OSBPL8: variants seen among roughly 807,000 people sequenced by gnomAD.
OSBPL8 encodes the protein oxysterol binding protein like 8.
A neutral mutation model predicts 125.5 loss-of-function variants in OSBPL8; 59 were observed. The ratio of observed to expected loss-of-function variants is 0.47; its 90% CI spans 0.38 to 0.58. The LOEUF (loss-of-function observed/expected upper bound fraction) is 0.58. OSBPL8 is among the 20% of genes least tolerant of loss of function. The probability of loss-of-function intolerance (pLI) is 0.00; values close to 1 mark genes in which losing one functional copy is unlikely to be tolerated. For synonymous variants in OSBPL8, 330 were observed against 338.9 expected (o/e 0.97, Z 0.29); for missense variants, 758 against 1,047.8 (o/e 0.72, Z 3.82).
intron 4 of OSBPL8, among the ~76,000 whole-genome samples, chr12:76,441,269 C>A (rs1429369073): frequency 2.6e-5 from 4 of 152,118 alleles, no homozygotes; most frequent in African/African-American, 4.8e-5. Context: ...CAAAAACAAC[C>A]TTCCTTTACC....
At chr12:76,499,556 A>G (rs959759823) in intron 1 of OSBPL8, among the ~76,000 whole-genome samples, 2 of 152,036 alleles carry the variant, frequency 1.3e-5, no homozygotes, top group Non-Finnish European at 2.9e-5. Context: ...CTTTACTTCA[A>G]TATCAATTTG....
chr12:76,429,889 A>T (rs1018139413), intron 4 of OSBPL8, among the ~76,000 whole-genome samples: 11 of 50,730 alleles, frequency 2.2e-4, no homozygotes, highest in Non-Finnish European at 4.7e-4. Context: ...AAGGGTTTTA[A>T]AAAAAAAAAA....
intron 4 of OSBPL8, among the ~76,000 whole-genome samples, chr12:76,434,754 T>C (rs1245241410): frequency 8.5e-5 from 13 of 152,138 alleles, no homozygotes; most frequent in Admixed American, 8.5e-4. Flanking sequence ...CCATCAGGTA[T>C]ATAAAAAATG....
intron 1 of OSBPL8, among the ~76,000 whole-genome samples, chr12:76,527,899 T>C (rs1234052409): frequency 2.6e-5 from 4 of 152,246 alleles, no homozygotes; most frequent in African/African-American, 9.7e-5. Flanking sequence ...AGGCAGTCAG[T>C]GCTTTACTTG....
At chr12:76,366,666 T>C (rs1027163574) in intron 21 of OSBPL8, 3 of 388,950 alleles carry the variant, frequency 7.7e-6, no homozygotes, top group Non-Finnish European at 1.5e-5. Context: ...AATGTAGATG[T>C]TCACAGATAT....
chr12:76,506,392 A>C (rs1426684635), intron 1 of OSBPL8, among the ~76,000 whole-genome samples: 1 of 152,250 alleles, frequency 6.6e-6, no homozygotes, highest in South Asian at 2.1e-4. Context: ...AGGAGTTAGC[A>C]TACGGATGGA....
intron 21 of OSBPL8, among the ~76,000 whole-genome samples, chr12:76,361,056 T>C (rs1012226884): frequency 1.3e-5 from 2 of 152,180 alleles, no homozygotes; most frequent in Non-Finnish European, 2.9e-5. Context: ...GCTGAATTTC[T>C]CCTGAAAAAA....
At position 76,487,021 on chromosome 12, in the gene OSBPL8, A is replaced by ATTT. The variant is rs63178360; in HGVS notation, c.42+486_42+488dup. 2.2e-3 allele frequency among the ~76,000 whole-genome samples: 227 copies of ATTT among 101,880 alleles called. 6 individuals carry two copies. Among genetic ancestry groups the ATTT allele is most frequent in the African/African-American group, 7.7e-3 (195 of 25,474 alleles). 66.8% of individuals were successfully genotyped at this position (101,880 alleles called of 152,430 possible). ...AAACTTTAAGCTATTTGCAATTTTC[A>ATTT]TTTTTTTTTTTTTTTTTTTTTTTTT... On this transcript the variant is annotated intron_variant, in intron 2 of 23. Transcript: ENST00000261183.
intron 1 of OSBPL8, among the ~76,000 whole-genome samples, chr12:76,513,161 T>C (rs1432244087): frequency 6.6e-6 from 1 of 152,234 alleles, no homozygotes; most frequent in African/African-American, 2.4e-5. Context: ...TCCAAGAGCA[T>C]GTTTGGTATG....
chr12:76,450,305 T>C (rs1409663301), intron 4 of OSBPL8, among the ~76,000 whole-genome samples: 1 of 152,088 alleles, frequency 6.6e-6, no homozygotes, highest in Non-Finnish European at 1.5e-5. Context: ...AGTGCCAAGG[T>C]TGAGAAGTCC....
intron 18 of OSBPL8, 110 bp downstream of exon 18, chr12:76,373,234 G>A: frequency 1.6e-6 from 1 of 644,660 alleles, no homozygotes. Flanking sequence ...TGAAGCTTAT[G>A]TTAAATAGTG....
chr12:76,423,212 T>C (rs540925873), intron 4 of OSBPL8: 1 of 152,270 alleles, frequency 6.6e-6, no homozygotes, highest in East Asian at 1.9e-4. Flanking sequence ...CAGCCATGAT[T>C]AAACATTCAT....
intron 2 of OSBPL8, 25 bp from the exon 3 acceptor site, chr12:76,459,920 GCAAA>G: frequency 6.2e-7 from 1 of 1,613,084 alleles, no homozygotes; most frequent in Non-Finnish European, 8.5e-7. Context: ...TAATTGAGCA[GCAAA>G]CAAATACAGT....
chr12:76,410,720 T>C (rs1328779491), intron 4 of OSBPL8, 86 bp from the exon 5 acceptor site: 9 of 888,480 alleles, frequency 1.0e-5, no homozygotes, highest in Non-Finnish European at 9.1e-6. Context: ...CTATATTTGA[T>C]ATAAATCAGT....
At position 76,487,502 on chromosome 12, in the gene OSBPL8, C is replaced by A; in HGVS notation, c.42+8G>T. 6.3e-7 allele frequency: 1 copy of A among 1,597,510 alleles called. No individual in the cohort carries two copies. The highest frequency in any genetic ancestry group is 2.3e-5 in the East Asian group (1 of 43,548). On this transcript the variant is annotated splice_region_variant and intron_variant, in intron 2 of 23. Transcript: ENST00000261183. The stretch of plus-strand genomic sequence containing the variant: ...TGATAGAACCTATGTCATATATGAA[C>A]TACTCACCGAAGTTCGATCAGGTTC...
intron 1 of OSBPL8, among the ~76,000 whole-genome samples, chr12:76,517,752 T>C (rs954520378): frequency 1.3e-5 from 2 of 152,144 alleles, no homozygotes; most frequent in East Asian, 1.9e-4. Flanking sequence ...CTTTTACTCA[T>C]GGTGGAAAGC....
chr12:76,434,743 G>T (rs1476256329), intron 4 of OSBPL8, among the ~76,000 whole-genome samples: 1 of 152,020 alleles, frequency 6.6e-6, no homozygotes, highest in African/African-American at 2.4e-5. Flanking sequence ...TATACAAATG[G>T]CCATCAGGTA....
intron 1 of OSBPL8, among the ~76,000 whole-genome samples, chr12:76,525,156 G>C (rs1328014429): frequency 6.6e-6 from 1 of 152,104 alleles, no homozygotes; most frequent in Non-Finnish European, 1.5e-5. Flanking sequence ...TATAGACCTT[G>C]TTTGAATCCT....
chr12:76,444,236 G>C (rs984805765), intron 4 of OSBPL8, among the ~76,000 whole-genome samples: 1 of 152,138 alleles, frequency 6.6e-6, no homozygotes, highest in Non-Finnish European at 1.5e-5. Flanking sequence ...TTGATGGTAA[G>C]CAATCATTCA....
Sources: gnomAD v4.1 joint callset for allele counts (sites outside exome capture counted in the v4.1 genomes callset) on GRCh38, gnomAD v4.1.1 for gene constraint, MANE v1.5 for transcripts, NCBI Gene and HGNC (gene_info 2026-07-23, HGNC 2026-07-21) for gene names.